The following STARD13 variants were observed in gnomAD, a reference collection of about 807,000 sequenced individuals.
STARD13 encodes the protein StAR related lipid transfer domain containing 13.
A neutral mutation model predicts 106.4 loss-of-function variants in STARD13; 62 were observed. The observed-to-expected ratio is 0.58, with a 90% CI of 0.48 to 0.72. The LOEUF (loss-of-function observed/expected upper bound fraction) is 0.72. STARD13 is among the 30% of genes least tolerant of loss of function. STARD13 has a pLI of 0.00. For missense variants in STARD13, 1,387 were observed against 1,424.0 expected (o/e 0.97, Z 0.42); for synonymous variants, 565 against 553.0 (o/e 1.02, Z -0.31).
the STARD13 span, among the ~76,000 whole-genome samples, chr13:33,513,684 T>G: frequency 6.6e-6 from 1 of 152,202 alleles, no homozygotes; most frequent in African/African-American, 2.4e-5. Flanking sequence ...TAGATTTTTT[T>G]TCATGCTATG....
intron 3 of STARD13, among the ~76,000 whole-genome samples, chr13:33,161,609 C>G (rs1331539617): frequency 6.6e-6 from 1 of 152,224 alleles, no homozygotes; most frequent in African/African-American, 2.4e-5. Flanking sequence ...GCCACAACAC[C>G]TGGTCTGCTC....
chr13:33,638,180 C>T, the STARD13 span, among the ~76,000 whole-genome samples: 1 of 152,200 alleles, frequency 6.6e-6, no homozygotes, highest in Non-Finnish European at 1.5e-5. Flanking sequence ...AGCAGCTTCT[C>T]TCCATGACTC....
At chr13:33,673,073 C>A in the STARD13 span, among the ~76,000 whole-genome samples, 1 of 152,174 alleles carries the variant, frequency 6.6e-6, no homozygotes, top group Non-Finnish European at 1.5e-5. Context: ...TAAGCACTGA[C>A]AAATGAAGCT....
At chr13:33,527,100 A>G in the STARD13 span, among the ~76,000 whole-genome samples, 4 of 152,108 alleles carry the variant, frequency 2.6e-5, no homozygotes, top group African/African-American at 9.7e-5. Context: ...CCTCTTCTAT[A>G]TTATTTTAAA....
chr13:33,669,174 C>G, the STARD13 span, among the ~76,000 whole-genome samples: 1 of 152,146 alleles, frequency 6.6e-6, no homozygotes, highest in Non-Finnish European at 1.5e-5. Flanking sequence ...CAGAATAGGA[C>G]TAAAGACTCA....
chr13:33,650,658 T>C, the STARD13 span, among the ~76,000 whole-genome samples: 1 of 152,230 alleles, frequency 6.6e-6, no homozygotes, highest in Non-Finnish European at 1.5e-5. Flanking sequence ...CAGATGAAGG[T>C]GTGCATGCTA....
chr13:33,114,688 A>C (rs1414736957), intron 8 of STARD13, among the ~76,000 whole-genome samples: 1 of 152,154 alleles, frequency 6.6e-6, no homozygotes, highest in Non-Finnish European at 1.5e-5. Context: ...GTTTAACTTT[A>C]GATTACTAAG....
the STARD13 span, among the ~76,000 whole-genome samples, chr13:33,640,192 T>G: frequency 6.6e-6 from 1 of 152,238 alleles, no homozygotes; most frequent in Non-Finnish European, 1.5e-5. Flanking sequence ...CATTGTGATC[T>G]CTACACAGCA....
chr13:33,186,106 C>T, intron 1 of STARD13: 2 of 1,541,722 alleles, frequency 1.3e-6, no homozygotes, highest in Non-Finnish European at 1.8e-6. Context: ...AGGAACCTCA[C>T]TGCTCCCCAG....
chr13:33,572,938 C>T, the STARD13 span, among the ~76,000 whole-genome samples: 1 of 152,158 alleles, frequency 6.6e-6, no homozygotes, highest in African/African-American at 2.4e-5. Flanking sequence ...GATCCTGAAA[C>T]CAGTTCCCCT....
chr13:33,211,918 A>G (rs1887745230), intron 1 of STARD13, among the ~76,000 whole-genome samples: 1 of 152,176 alleles, frequency 6.6e-6, no homozygotes, highest in South Asian at 2.1e-4. Context: ...ACTTGTACAT[A>G]TATACCCATG....
chr13:33,490,704 C>T, the STARD13 span, among the ~76,000 whole-genome samples: 1 of 152,140 alleles, frequency 6.6e-6, no homozygotes, highest in Non-Finnish European at 1.5e-5. Flanking sequence ...CCTTCCAGTC[C>T]GTGTGTGACC....
the STARD13 span, among the ~76,000 whole-genome samples, chr13:33,436,816 G>A: frequency 1.3e-5 from 2 of 151,894 alleles, no homozygotes; most frequent in Non-Finnish European, 1.5e-5. Flanking sequence ...TTTTACTTTG[G>A]GTTTCACATT....
chr13:33,209,134 G>T (rs957883903), intron 1 of STARD13, among the ~76,000 whole-genome samples: 1 of 152,172 alleles, frequency 6.6e-6, no homozygotes, highest in Non-Finnish European at 1.5e-5. Context: ...CATGGGTGGG[G>T]ACCTCAGGAC....
chr13:33,349,901 G>C (rs1179559533), intron 1 of STARD13, among the ~76,000 whole-genome samples: 2 of 152,220 alleles, frequency 1.3e-5, no homozygotes, highest in Admixed American at 1.3e-4. Flanking sequence ...AGTTGGGAAG[G>C]GGCAGCCCTC....
At chr13:33,430,084 A>AT in the STARD13 span, among the ~76,000 whole-genome samples, 2 of 152,030 alleles carry the variant, frequency 1.3e-5, no homozygotes, top group African/African-American at 4.8e-5. Context: ...CGCCTGGCTA[A>AT]TTTTTTGTAA....
At position 33,126,216 on chromosome 13, in the gene STARD13, C is replaced by G. The variant is rs1259048422; in HGVS notation, c.1947G>C (p.Arg649Ser). The part of the protein sequence containing the change: ...WTWSVPKFMK[R>S]MKVPDYKDKA... Reference sequence around the variant, plus strand: ...TGTCTTTGTAGTCGGGAACTTTCATCCTCTTCATGAACTTTGGAACTGACC... The same window carrying G: ...TGTCTTTGTAGTCGGGAACTTTCATGCTCTTCATGAACTTTGGAACTGACC... The change falls in exon 7 of 14, where the codon AGG (arginine) becomes AGC (serine). Residue 649 changes from arginine to serine, a missense_variant. Arg to Ser is a moderately radical substitution (Grantham distance 110). Transcript: ENST00000336934. 6.2e-7 allele frequency: 1 copy of G among 1,613,976 alleles called. No homozygotes were observed. Among genetic ancestry groups the G allele is most frequent in the East Asian group, 2.2e-5 (1 of 44,896 alleles).
At chr13:33,163,725 T>C (rs1883003999) in intron 3 of STARD13, among the ~76,000 whole-genome samples, 1 of 112,090 alleles carries the variant, frequency 8.9e-6, no homozygotes, top group South Asian at 3.0e-4. Context: ...ATATATAACA[T>C]ATATAAAACA....
At chr13:33,241,951 C>T (rs1478796311) in intron 1 of STARD13, among the ~76,000 whole-genome samples, 3 of 152,338 alleles carry the variant, frequency 2.0e-5, no homozygotes, top group Admixed American at 6.5e-5. Flanking sequence ...CAGCCTCTGT[C>T]CGGCCGCCAC....
Sources: gnomAD v4.1 joint callset for allele counts (sites outside exome capture counted in the v4.1 genomes callset) on GRCh38, gnomAD v4.1.1 for gene constraint, MANE v1.5 for transcripts, NCBI Gene and HGNC (gene_info 2026-07-23, HGNC 2026-07-21) for gene names.